Variants in ERC1 observed in about 807,000 individuals in gnomAD.
ERC1 encodes ELKS/RAB6-interacting/CAST family member 1, also known as RAB6 interacting protein 2.
A neutral mutation model predicts 132.0 loss-of-function variants in ERC1; 56 were observed. The observed-to-expected ratio is 0.42, with a 90% CI of 0.34 to 0.53. The LOEUF is 0.53. Among genes scored for constraint, ERC1 ranks in the 20% least tolerant of loss-of-function variants. ERC1 has a pLI of 0.03. For synonymous variants in ERC1, 478 were observed against 476.1 expected, an observed-to-expected ratio of 1.00 and a Z score of -0.05; for missense variants, 1,202 against 1,349.9, an observed-to-expected ratio of 0.89 and a Z score of 1.72.
At chr12:993,120 G>A (rs1364181652) in intron 1 of ERC1, among the ~76,000 whole-genome samples, 1 of 152,206 alleles carries the variant, frequency 6.6e-6, no homozygotes, top group Admixed American at 6.5e-5. Flanking sequence ...AAGTGAGAAA[G>A]TGTGTGTTCC....
chr12:1,320,438 C>G (rs541860579), intron 15 of ERC1, among the ~76,000 whole-genome samples: 2 of 152,118 alleles, frequency 1.3e-5, no homozygotes, highest in Non-Finnish European at 2.9e-5. Context: ...CATTACTCAC[C>G]CTTTTCTTTC....
chr12:1,392,147 T>C (rs1433345345), intron 16 of ERC1, among the ~76,000 whole-genome samples: 1 of 152,114 alleles, frequency 6.6e-6, no homozygotes, highest in Non-Finnish European at 1.5e-5. Flanking sequence ...TGGAGATGTG[T>C]AGCGAAGGAG....
chr12:1,365,197 G>A (rs1274156966), intron 15 of ERC1, among the ~76,000 whole-genome samples: 1 of 152,142 alleles, frequency 6.6e-6, no homozygotes, highest in African/African-American at 2.4e-5. Flanking sequence ...TGTTCAGTTA[G>A]AGAAAAACAC....
chr12:1,226,639 G>T (rs958813309), intron 12 of ERC1, among the ~76,000 whole-genome samples: 2 of 152,138 alleles, frequency 1.3e-5, no homozygotes, highest in African/African-American at 4.8e-5. Flanking sequence ...CTGTGAATTT[G>T]ATGTTTTTAG....
At chr12:1,240,874 T>C (rs946156209) in intron 13 of ERC1, among the ~76,000 whole-genome samples, 17 of 152,316 alleles carry the variant, frequency 1.1e-4, no homozygotes, top group African/African-American at 3.6e-4. Flanking sequence ...AAAAACTTTA[T>C]ATCATTTAAA....
intron 16 of ERC1, among the ~76,000 whole-genome samples, chr12:1,392,135 A>G (rs779254021): frequency 2.6e-5 from 4 of 152,184 alleles, no homozygotes; most frequent in Non-Finnish European, 5.9e-5. Flanking sequence ...CACAAGGACC[A>G]ATGGAGATGT....
chr12:1,008,174 A>C (rs1964058296), intron 1 of ERC1, among the ~76,000 whole-genome samples: 1 of 152,198 alleles, frequency 6.6e-6, no homozygotes, highest in African/African-American at 2.4e-5. Flanking sequence ...ACGTTTCTGT[A>C]ATCAGAGAAG....
chr12:1,157,304 C>T (rs192384446), intron 8 of ERC1, among the ~76,000 whole-genome samples: 28 of 152,310 alleles, frequency 1.8e-4, no homozygotes, highest in Admixed American at 1.5e-3. Context: ...AGGGTTTTGC[C>T]ATGTGGCCCA....
chr12:1,060,927 C>G (rs116881989), intron 2 of ERC1, among the ~76,000 whole-genome samples: 3,205 of 152,072 alleles, frequency 0.021, 55 homozygotes, highest in Non-Finnish European at 0.035. Context: ...GAGGTTTCAC[C>G]GTGTTAGCCA....
intron 8 of ERC1, among the ~76,000 whole-genome samples, chr12:1,156,598 T>C (rs1227807311): frequency 3.9e-5 from 6 of 152,234 alleles, no homozygotes; most frequent in Admixed American, 3.3e-4. Flanking sequence ...GAGTTGATAT[T>C]GTATGCGTGT....
At chr12:1,112,413 C>T (rs1945988463) in intron 6 of ERC1, 115 bp downstream of exon 6, 1 of 687,354 alleles carries the variant, frequency 1.5e-6, no homozygotes, top group Non-Finnish European at 2.6e-6. Flanking sequence ...CAGCTTTGCC[C>T]ATTACTAGCA....
chr12:1,018,400 A>G (rs1409714516), intron 1 of ERC1, among the ~76,000 whole-genome samples: 1 of 152,100 alleles, frequency 6.6e-6, no homozygotes, highest in Non-Finnish European at 1.5e-5. Context: ...TTTTTAGTAG[A>G]GACGGGGTTT....
At chr12:1,250,046 C>G (rs2076379965) in intron 13 of ERC1, among the ~76,000 whole-genome samples, 2 of 152,178 alleles carry the variant, frequency 1.3e-5, no homozygotes, top group South Asian at 4.1e-4. Context: ...GATTCTGATT[C>G]TGATCTGATC....
chr12:1,440,431 C>T (rs111988542), intron 17 of ERC1, among the ~76,000 whole-genome samples: 7,478 of 146,068 alleles, frequency 0.051, 530 homozygotes, highest in African/African-American at 0.15. Context: ...TGGTCTCGAT[C>T]TCCTGACCTC....
chr12:1,394,489 G>A (rs2090366787), intron 16 of ERC1, among the ~76,000 whole-genome samples: 1 of 152,156 alleles, frequency 6.6e-6, no homozygotes, highest in African/African-American at 2.4e-5. Flanking sequence ...CAGTGATATG[G>A]TTTGGCTTTG....
At chr12:1,269,233 T>C (rs2077661633) in intron 14 of ERC1, among the ~76,000 whole-genome samples, 1 of 152,196 alleles carries the variant, frequency 6.6e-6, no homozygotes, top group African/African-American at 2.4e-5. Context: ...TTGCTAGTTA[T>C]GACAAAGGAA....
At chr12:1,382,216 C>G (rs1307895937) in intron 16 of ERC1, among the ~76,000 whole-genome samples, 1 of 152,218 alleles carries the variant, frequency 6.6e-6, no homozygotes. Context: ...TCACATTTTA[C>G]AAAGTACTAT....
chr12:1,289,178 TATATAGTATATATATA>T (rs987649968), intron 14 of ERC1, among the ~76,000 whole-genome samples: 3 of 146,378 alleles, frequency 2.0e-5, no homozygotes, highest in African/African-American at 7.5e-5. Context: ...GCCTATATAA[TATATAGTATATATATA>T]ATATATATAT....
At chr12:1,200,515 TA>T (rs1956804862) in intron 12 of ERC1, among the ~76,000 whole-genome samples, 1 of 152,118 alleles carries the variant, frequency 6.6e-6, no homozygotes, top group African/African-American at 2.4e-5. Flanking sequence ...AAAAGAGAAG[TA>T]GCACTCTTTT....
Sources: allele counts gnomAD v4.1 joint callset (sites outside exome capture counted in the v4.1 genomes callset), GRCh38; gene constraint gnomAD v4.1.1; transcripts MANE v1.5; gene names NCBI Gene and HGNC (gene_info 2026-07-23, HGNC 2026-07-21).